The following ZNF516 variants were observed in gnomAD, a reference collection of about 807,000 sequenced individuals.
ZNF516 encodes the protein zinc finger protein 516.
Under a neutral mutation model 79.7 loss-of-function variants are expected in ZNF516, and 19 were observed. The observed-to-expected ratio is 0.24, with a 90% CI of 0.17 to 0.35. ZNF516 has a LOEUF of 0.35. Ranked by LOEUF, ZNF516 falls within the 10% of genes least tolerant of loss-of-function variation. The pLI is 1.00. For missense variants in ZNF516, 1,678 were observed against 1,679.5 expected (o/e 1.00, Z 0.02); for synonymous variants, 877 against 739.5 (o/e 1.19, Z -3.02).
Position 76,459,549 on chromosome 18 carries a change from G to A in ZNF516, c.-158+3479C>T, listed in dbSNP as rs145658825. Among the ~76,000 whole-genome samples the A allele has an allele frequency of 4.7e-4, 72 of 152,316 alleles. No individual in the cohort carries two copies. The highest frequency in any genetic ancestry group is 1.6e-3 in the African/African-American group (68 of 41,568). ...CATCGGGCACCGCGTCGCCTCCCTCGGAATGTATTCCAGCACTGTCTGCCA... is the reference window on the plus strand; with the variant it reads ...CATCGGGCACCGCGTCGCCTCCCTCAGAATGTATTCCAGCACTGTCTGCCA... On this transcript the variant is annotated intron_variant, in intron 2 of 6. Coordinates refer to ENST00000443185, the MANE Select transcript of ZNF516 (RefSeq NM_014643.4). This position sits in a 1 kb window ranked among gnomAD's most constrained non-coding sequence, Gnocchi z 5.0.
intron 3 of ZNF516, among the ~76,000 whole-genome samples, chr18:76,429,095 T>C (rs2075630720): frequency 1.3e-5 from 2 of 152,174 alleles, no homozygotes; most frequent in South Asian, 2.1e-4. Flanking sequence ...CAGCAGCACC[T>C]GGTAGGGGAT....
At chr18:76,409,178 CTT>C (rs1461142436) in intron 3 of ZNF516, among the ~76,000 whole-genome samples, 1 of 150,504 alleles carries the variant, frequency 6.6e-6, no homozygotes, top group African/African-American at 2.4e-5. Flanking sequence ...GAAATTGAGA[CTT>C]TGCTTAAATG....
intron 3 of ZNF516, among the ~76,000 whole-genome samples, chr18:76,427,132 C>T (rs934427114): frequency 6.6e-6 from 1 of 152,222 alleles, no homozygotes; most frequent in South Asian, 2.1e-4. Flanking sequence ...TTCATTTCTC[C>T]ATCTTCCTGC....
intron 3 of ZNF516, among the ~76,000 whole-genome samples, chr18:76,417,540 T>C (rs562764459): frequency 5.4e-4 from 83 of 152,376 alleles, no homozygotes; most frequent in Admixed American, 3.6e-3. Flanking sequence ...TTTACCTTAA[T>C]GTATCATATT....
intron 1 of ZNF516, among the ~76,000 whole-genome samples, chr18:76,471,375 A>T (rs1913828195): frequency 6.6e-6 from 1 of 152,172 alleles, no homozygotes; most frequent in African/African-American, 2.4e-5. Context: ...AAGAGAGGGC[A>T]GCGACCCCAG....
chr18:76,475,553 G>A (rs1174117649), intron 1 of ZNF516, among the ~76,000 whole-genome samples: 1 of 152,168 alleles, frequency 6.6e-6, no homozygotes, highest in South Asian at 2.1e-4. Flanking sequence ...TTCCCTGCAC[G>A]CTAAGAGAAA....
intron 3 of ZNF516, among the ~76,000 whole-genome samples, chr18:76,422,695 G>A (rs2075523408): frequency 6.6e-6 from 1 of 152,066 alleles, no homozygotes; most frequent in African/African-American, 2.4e-5. Context: ...ACGGGATGAT[G>A]GGGGGCAGAC....
At chr18:76,365,624 C>T (rs191257836) in intron 6 of ZNF516, among the ~76,000 whole-genome samples, 226 of 152,338 alleles carry the variant, frequency 1.5e-3, no homozygotes, top group Middle Eastern at 0.01. Flanking sequence ...TGCATGAGCT[C>T]TTTCCCTCAT....
chr18:76,466,599 C>T (rs1179598021), intron 1 of ZNF516, among the ~76,000 whole-genome samples: 10 of 152,230 alleles, frequency 6.6e-5, no homozygotes, highest in Non-Finnish European at 2.9e-5. Flanking sequence ...TCCAGGAGAT[C>T]TAGTCAAGGA....
intron 2 of ZNF516, among the ~76,000 whole-genome samples, chr18:76,458,650 G>C (rs946158434): frequency 6.8e-6 from 1 of 147,280 alleles, no homozygotes; most frequent in East Asian, 2.0e-4. Context: ...CCTCACCGTC[G>C]TGCGTGTGCG....
intron 6 of ZNF516, among the ~76,000 whole-genome samples, chr18:76,369,419 AC>A (rs1459489256): frequency 6.8e-6 from 1 of 147,318 alleles, no homozygotes; most frequent in Non-Finnish European, 1.5e-5. Flanking sequence ...GGCAAAAAAA[AC>A]AAAAACAAAA....
intron 3 of ZNF516, among the ~76,000 whole-genome samples, chr18:76,384,615 T>G (rs1599158317): frequency 1.0e-5 from 1 of 97,254 alleles, no homozygotes; most frequent in African/African-American, 4.0e-5. Flanking sequence ...CCACCCCCCC[T>G]ACAGTTGGGA....
chr18:76,490,551 G>A (rs1357530919), intron 1 of ZNF516: 1 of 168,664 alleles, frequency 5.9e-6, no homozygotes, highest in Non-Finnish European at 1.2e-5. Context: ...TAATAAGGTG[G>A]TTTTTAAAAT....
At chr18:76,463,490 A>C (rs1913252087) in intron 1 of ZNF516, among the ~76,000 whole-genome samples, 1 of 152,236 alleles carries the variant, frequency 6.6e-6, no homozygotes, top group African/African-American at 2.4e-5. Flanking sequence ...ACCAGGGAAC[A>C]CCTGCTATGC....
At chr18:76,457,942 G>A (rs1294870988) in intron 2 of ZNF516, among the ~76,000 whole-genome samples, 1 of 152,140 alleles carries the variant, frequency 6.6e-6, no homozygotes, top group Non-Finnish European at 1.5e-5. Flanking sequence ...TTTTACTTCT[G>A]CAGAGATAAG....
chr18:76,440,252 T>G (rs2075797564), intron 3 of ZNF516, among the ~76,000 whole-genome samples: 1 of 152,162 alleles, frequency 6.6e-6, no homozygotes, highest in Non-Finnish European at 1.5e-5. Context: ...GCCAAATCTC[T>G]AATAAGGAAA....
chr18:76,480,696 A>G (rs1914476309), intron 1 of ZNF516, among the ~76,000 whole-genome samples: 1 of 151,860 alleles, frequency 6.6e-6, no homozygotes, highest in South Asian at 2.1e-4. Flanking sequence ...TTAATTTTGT[A>G]TTTTTAGTAG....
At chr18:76,398,941 T>A (rs2145199310) in intron 3 of ZNF516, among the ~76,000 whole-genome samples, 1 of 152,118 alleles carries the variant, frequency 6.6e-6, no homozygotes, top group Middle Eastern at 3.4e-3. Context: ...CACTTATTAG[T>A]AGAGTCTTCA....
At chr18:76,403,663 G>T (rs1363934743) in intron 3 of ZNF516, among the ~76,000 whole-genome samples, 1 of 152,118 alleles carries the variant, frequency 6.6e-6, no homozygotes, top group South Asian at 2.1e-4. Context: ...GAAAACAGGC[G>T]CATGTTTGGA....
Sources: gnomAD v4.1 joint callset for allele counts (sites outside exome capture counted in the v4.1 genomes callset) on GRCh38, gnomAD v4.1.1 for gene constraint, Gnocchi (gnomAD v3.1) non-coding constraint, MANE v1.5 for transcripts, NCBI Gene and HGNC (gene_info 2026-07-23, HGNC 2026-07-21) for gene names.